The following FGD1 variants were observed in gnomAD, a reference collection of about 807,000 sequenced individuals.
FGD1 encodes FYVE, RhoGEF and PH domain containing 1, also known as FYVE, RhoGEF and PH domain-containing protein 1.
In FGD1, 12 loss-of-function variants were observed where a neutral mutation model predicts 65.0. The observed-to-expected ratio is 0.18, with a 90% CI of 0.12 to 0.30. FGD1 has a LOEUF of 0.30. FGD1 is among the 10% of genes least tolerant of loss of function. FGD1 has a pLI of 1.00. For synonymous variants in FGD1, 333 were observed against 343.9 expected, an observed-to-expected ratio of 0.97 and a Z score of 0.35; for missense variants, 542 against 837.6, an observed-to-expected ratio of 0.65 and a Z score of 4.36.
intron 6 of FGD1, among the ~76,000 whole-genome samples, chrX:54,467,364 T>C (rs746972576): frequency 7.7e-4 from 84 of 108,700 alleles, no homozygotes; most frequent in African/African-American, 2.5e-3. Context: ...TTTTCTTTTT[T>C]TTTTTTTTTA....
intron 15 of FGD1, 58 bp downstream of exon 15, chrX:54,449,085 G>A (rs1601948528): frequency 8.3e-7 from 1 of 1,208,548 alleles, no homozygotes; most frequent in Non-Finnish European, 1.1e-6. Flanking sequence ...TCTGCAGTGG[G>A]CCTTTGGGCT....
At position 54,465,747 on chromosome X, in the gene FGD1, G is replaced by T. The variant is rs1352012610; in HGVS notation, c.1446C>A (p.Asn482Lys). 1 of 1,211,566 alleles carries T rather than the reference G, an allele frequency of 8.3e-7. No homozygotes were observed. The highest frequency in any genetic ancestry group is 2.2e-5 in the Admixed American group (1 of 45,989). The change falls in exon 7 of 18, where the codon AAC (asparagine) becomes AAA (lysine). Residue 482 changes from asparagine to lysine, a missense_variant. By Grantham distance (94) the Asn-to-Lys change is moderately conservative (BLOSUM62 0). Around this residue, in one of 6 missense-constraint regions of FGD1, gnomAD observed 41 missense variants for 109.5 expected, o/e 0.37. Transcript: ENST00000375135. ...KNFDRAVELV[N>K]TWTERSTQFK... is the part of the protein sequence containing the mutation. ...ACTGGGTGGAGCGCTCTGTCCAGGT[G>T]TTGACCAGCTCCACGGCCCGGTCAA...
rs768627272 is a variant in FGD1 at position 54,470,263 on chromosome X, A to G, written c.854T>C (p.Ile285Thr). The G allele has an allele frequency of 1.7e-6, 2 of 1,205,563 alleles. No individual in the cohort carries two copies. The highest frequency in any genetic ancestry group is 1.1e-6 in the Non-Finnish European group (1 of 892,419). ...GEKVPNRDSG[I>T]DSISSPSNSE... ...GTTGGATGGCGAGCTGATGCTATCA[A>G]TGCCGCTGTCCCGGTTGGGCACCTT... Residue 285 changes from isoleucine (I) to threonine (T), a missense_variant, in exon 4 of 18, where the codon ATT becomes ACT. Physicochemically the swap from Ile to Thr is moderately conservative, Grantham distance 89. Around this residue, in one of 6 missense-constraint regions of FGD1, gnomAD observed 297 missense variants for 326.8 expected, o/e 0.91. Transcript: ENST00000375135.
At chrX:54,468,999 T>C (rs1266900969) in intron 4 of FGD1, 123 bp from the exon 5 acceptor site, 1 of 527,927 alleles carries the variant, frequency 1.9e-6, no homozygotes, top group African/African-American at 2.3e-5. Context: ...AGGATAACCT[T>C]GACCCCCATC....
intron 1 of FGD1, among the ~76,000 whole-genome samples, chrX:54,487,726 G>T (rs1049690429): frequency 9.0e-6 from 1 of 111,696 alleles, no homozygotes; most frequent in Admixed American, 9.5e-5. Flanking sequence ...GAGGCAGGCG[G>T]ATCACCTGAG....
At position 54,446,202 on chromosome X, in the gene FGD1, C is replaced by T; in HGVS notation, c.2793G>A (p.Leu931=). 1 of 1,211,749 alleles carries T rather than the reference C, an allele frequency of 8.3e-7. No individual in the cohort carries two copies. The highest frequency in any genetic ancestry group is 1.8e-5 in the South Asian group (1 of 56,862). ...RGDTFCPGPT[L]SEDREMEEAP... ...CCTCCTCCATCTCCCTGTCCTCAGA[C>T]AGTGTGGGCCCCGGGCAGAACGTGT... Residue 931 remains leucine, a synonymous_variant, in exon 18 of 18, where the codon CTG becomes CTA. Transcript: ENST00000375135.
At chrX:54,456,615 G>A in intron 8 of FGD1, 48 bp from the exon 9 acceptor site, 1 of 1,041,405 alleles carries the variant, frequency 9.6e-7, no homozygotes, top group Non-Finnish European at 1.3e-6. Flanking sequence ...GCAGAGAGGA[G>A]CCTTTCCGGG....
intron 12 of FGD1, among the ~76,000 whole-genome samples, chrX:54,454,735 A>G (rs1922458310): frequency 9.0e-6 from 1 of 111,051 alleles, no homozygotes; most frequent in Admixed American, 9.7e-5. Flanking sequence ...GTCATTGACC[A>G]AAATGTTTTA....
At chrX:54,488,149 A>G (rs1305404200) in intron 1 of FGD1, among the ~76,000 whole-genome samples, 2 of 103,253 alleles carry the variant, frequency 1.9e-5, no homozygotes, top group African/African-American at 7.1e-5. Flanking sequence ...CTGTAATCCC[A>G]GCTACTCGAG....
intron 8 of FGD1, among the ~76,000 whole-genome samples, chrX:54,460,695 C>T (rs60896293): frequency 0.16 from 17,175 of 110,580 alleles, 2,131 homozygotes; most frequent in African/African-American, 0.42. Context: ...GAGCGGAGAT[C>T]GCGCCACTGC....
Position 54,446,394 on chromosome X carries a change from G to A in FGD1, c.2601C>T (p.Ser867=). 1 of 1,209,752 alleles carries A rather than the reference G, an allele frequency of 8.3e-7. No homozygotes were observed. Among genetic ancestry groups the A allele is most frequent in the Non-Finnish European group, 1.1e-6 (1 of 894,595 alleles). The part of the protein sequence containing the change: ...GAPQDVKAQR[S]LPLIGFEVGP... ...CCACCTCGAAGCCAATGAGGGGCAG[G>A]CTGCGCTGGGCTTTCACATCCTGGC... The change falls in exon 18 of 18, where the codon AGC becomes AGT. Residue 867 remains serine, a synonymous_variant. Coordinates refer to ENST00000375135, the MANE Select transcript of FGD1 (RefSeq NM_004463.3).
intron 14 of FGD1, 116 bp from the exon 15 acceptor site, chrX:54,449,384 G>C: frequency 1.0e-6 from 1 of 952,500 alleles, no homozygotes; most frequent in South Asian, 2.1e-5. Flanking sequence ...GCTGGGGGTA[G>C]GGGGAGCAGC....
intron 1 of FGD1, among the ~76,000 whole-genome samples, chrX:54,487,386 CA>C (rs1291450022): frequency 4.5e-5 from 5 of 111,769 alleles, no homozygotes; most frequent in African/African-American, 1.3e-4. Flanking sequence ...AACTCCCAAA[CA>C]TCACTGGCCC....
chrX:54,495,519 G>A lies in FGD1; in HGVS notation c.-87C>T. The A allele has an allele frequency of 1.5e-6, 1 of 646,716 alleles. No homozygotes were observed. The highest frequency in any genetic ancestry group is 2.0e-6 in the Non-Finnish European group (1 of 498,203). 53.3% of individuals were successfully genotyped at this position (646,716 alleles called of 1,213,427 possible). A position where few individuals can be genotyped will look rare whatever the true frequency, so the allele number is the denominator to read the frequency against. ...GCGGGCGGAGGAGGCCCGGCGCCCGGCGGAGCAGCGGCCTCAGGATCGGGG... is the reference window on the plus strand; with the variant it reads ...GCGGGCGGAGGAGGCCCGGCGCCCGACGGAGCAGCGGCCTCAGGATCGGGG... On this transcript the variant is annotated 5_prime_UTR_variant, in exon 1 of 18. Transcript: ENST00000375135.
intron 1 of FGD1, among the ~76,000 whole-genome samples, chrX:54,477,127 G>A (rs1327031869): frequency 1.8e-5 from 2 of 112,745 alleles, no homozygotes; most frequent in African/African-American, 6.4e-5. Flanking sequence ...ACTGCCACTC[G>A]GACATCTCTT....
Position 54,446,179 on chromosome X carries a change from T to C in FGD1, c.2816A>G (p.Glu939Gly). ...GGCTCCTAAAGCAGCCACCGGTGCC[T>C]CCTCCATCTCCCTGTCCTCAGACAG... ...PTLSEDREMEEAPVAALGATA... is the reference protein window; with the variant it reads ...PTLSEDREMEGAPVAALGATA... The change falls in exon 18 of 18, where the codon GAG becomes GGG. Residue 939 changes from glutamate to glycine, a missense_variant. This residue lies in a region of FGD1 where 182 missense variants were observed against 311.4 expected (regional missense o/e 0.58). Coordinates refer to ENST00000375135, the MANE Select transcript of FGD1 (RefSeq NM_004463.3). 8.3e-7 allele frequency: 1 copy of C among 1,211,021 alleles called. No homozygotes were observed. Among genetic ancestry groups the C allele is most frequent in the Non-Finnish European group, 1.1e-6 (1 of 895,140 alleles).
At chrX:54,451,773 C>T (rs1220524609) in intron 12 of FGD1, among the ~76,000 whole-genome samples, 1 of 107,569 alleles carries the variant, frequency 9.3e-6, no homozygotes. Flanking sequence ...CCTATAATCC[C>T]AGCTACTTGT....
At chrX:54,486,272 C>T (rs68042816) in intron 1 of FGD1, among the ~76,000 whole-genome samples, 21,783 of 104,363 alleles carry the variant, frequency 0.21, 4,045 homozygotes, top group African/African-American at 0.59. Flanking sequence ...TTCTTAGAGA[C>T]GGAGTCTCGC....
At chrX:54,473,683 G>A (rs1419869133) in intron 1 of FGD1, among the ~76,000 whole-genome samples, 1 of 112,734 alleles carries the variant, frequency 8.9e-6, no homozygotes, top group African/African-American at 3.2e-5. Context: ...ATCTGGCGAT[G>A]ATTTAAAGTA....
Sources: gnomAD v4.1 joint callset for allele counts (sites outside exome capture counted in the v4.1 genomes callset) on GRCh38, gnomAD v4.1.1 for gene constraint, gnomAD v4.1.1 regional missense constraint, MANE v1.5 for transcripts, NCBI Gene and HGNC (gene_info 2026-07-23, HGNC 2026-07-21) for gene names.